Variants in PTPRN2 observed in about 807,000 individuals in gnomAD.
PTPRN2 encodes the protein protein tyrosine phosphatase receptor type N2.
A neutral mutation model predicts 118.8 loss-of-function variants in PTPRN2; 74 were observed. The observed-to-expected ratio is 0.62, with a 90% CI of 0.52 to 0.76. The LOEUF (loss-of-function observed/expected upper bound fraction) is 0.76, where lower values mean the gene tolerates loss of function less well. PTPRN2 is among the 30% of genes least tolerant of loss of function. PTPRN2 has a pLI of 0.00. For synonymous variants in PTPRN2, 641 were observed against 608.0 expected (o/e 1.05, Z -0.80); for missense variants, 1,481 against 1,394.4 (o/e 1.06, Z -0.99).
At chr7:158,084,817 CCTA>C (rs1298193019) in intron 10 of PTPRN2, among the ~76,000 whole-genome samples, 3 of 142,278 alleles carry the variant, frequency 2.1e-5, no homozygotes, top group Admixed American at 7.1e-5. Context: ...CCCATACACT[CCTA>C]CAATGCCCAT....
intron 2 of PTPRN2, among the ~76,000 whole-genome samples, chr7:158,454,744 T>TG (rs1254545192): frequency 6.6e-6 from 1 of 152,168 alleles, no homozygotes; most frequent in Non-Finnish European, 1.5e-5. Flanking sequence ...GGTGCAGGCT[T>TG]GGGGGCAGGT....
intron 14 of PTPRN2, among the ~76,000 whole-genome samples, chr7:157,650,433 C>T (rs140107883): frequency 8.5e-5 from 13 of 152,384 alleles, no homozygotes; most frequent in Non-Finnish European, 1.6e-4. Flanking sequence ...AAGCCGGCAT[C>T]GTCCAGACAG....
At chr7:158,009,228 G>A (rs894271371) in intron 11 of PTPRN2, among the ~76,000 whole-genome samples, 51 of 152,120 alleles carry the variant, frequency 3.4e-4, no homozygotes, top group Non-Finnish European at 1.2e-4. Context: ...ACTTGAAAAC[G>A]CTCTGATCAA....
At chr7:157,552,040 C>T (rs1798657716) in intron 21 of PTPRN2, among the ~76,000 whole-genome samples, 1 of 151,860 alleles carries the variant, frequency 6.6e-6, no homozygotes, top group South Asian at 2.1e-4. Context: ...AGCTGGCACA[C>T]ACCCCATGAC....
At chr7:158,262,687 CATTCACACACACTGCACAG>C (rs1442131295) in intron 3 of PTPRN2, among the ~76,000 whole-genome samples, 5 of 150,974 alleles carry the variant, frequency 3.3e-5, no homozygotes, top group African/African-American at 1.2e-4. Context: ...CACATACACA[CATTCACACACACTGCACAG>C]ATTCACACAC....
At chr7:157,593,750 G>A (rs1177268588) in intron 17 of PTPRN2, among the ~76,000 whole-genome samples, 1 of 152,078 alleles carries the variant, frequency 6.6e-6, no homozygotes, top group South Asian at 2.1e-4. Context: ...CGAAACTCCT[G>A]AGACGATGGG....
chr7:158,415,264 T>A (rs2129418376), intron 2 of PTPRN2, among the ~76,000 whole-genome samples: 1 of 152,310 alleles, frequency 6.6e-6, no homozygotes, highest in East Asian at 1.9e-4. Context: ...AGCTGATGAA[T>A]GACGTCAAAC....
chr7:157,865,985 T>C, intron 12 of PTPRN2: 1 of 152,524 alleles, frequency 6.6e-6, no homozygotes, highest in Non-Finnish European at 1.5e-5. Flanking sequence ...CTCCCCGGCC[T>C]CCTTCCCCGC....
intron 12 of PTPRN2, among the ~76,000 whole-genome samples, chr7:157,768,640 C>CA (rs1484722273): frequency 6.6e-6 from 1 of 152,110 alleles, no homozygotes; most frequent in Non-Finnish European, 1.5e-5. Flanking sequence ...AAATCAGTTA[C>CA]AAAAAAACCT....
chr7:157,545,027 T>C (rs221266), intron 22 of PTPRN2, among the ~76,000 whole-genome samples: 76,328 of 147,294 alleles, frequency 0.52, 19,752 homozygotes, highest in South Asian at 0.69. Flanking sequence ...GGGTGTGCAC[T>C]GTGTGTACAC....
rs557783442 is a variant in PTPRN2, at chr7:158,137,341, C to T, written c.1133-646G>A. ...CTGAGGCATGAGAATCACTTGAACC[C>T]GGCAGGCAAAGTTTGCAGTGAGCCG... is the stretch of plus-strand genomic sequence containing the variant. On this transcript the variant is annotated intron_variant, in intron 7 of 22. Transcript: ENST00000389418. 7.4e-4 allele frequency among the ~76,000 whole-genome samples: 112 copies of T among 152,230 alleles called. 1 individual carries two copies. The highest frequency in any genetic ancestry group is 3.4e-3 in the Middle Eastern group (1 of 294).
intron 16 of PTPRN2, among the ~76,000 whole-genome samples, chr7:157,599,013 C>CTT (rs535002797): frequency 0.18 from 26,333 of 145,530 alleles, 2,617 homozygotes; most frequent in East Asian, 0.44. Flanking sequence ...TCTGTTTTTA[C>CTT]TTTTTTTTTT....
intron 3 of PTPRN2, among the ~76,000 whole-genome samples, chr7:158,258,126 C>A (rs376285196): frequency 1.5e-4 from 23 of 152,336 alleles, no homozygotes; most frequent in South Asian, 1.0e-3. Context: ...CAAGCGGGCA[C>A]GTAAGAACAG....
intron 11 of PTPRN2, among the ~76,000 whole-genome samples, chr7:157,988,927 CCT>C (rs894975714): frequency 1.8e-4 from 28 of 152,206 alleles, no homozygotes; most frequent in African/African-American, 6.0e-4. Flanking sequence ...TCAGGGACAC[CCT>C]CTGTGTCCTC....
intron 1 of PTPRN2, among the ~76,000 whole-genome samples, chr7:158,495,500 G>A (rs1821771477): frequency 6.6e-6 from 1 of 152,126 alleles, no homozygotes; most frequent in South Asian, 2.1e-4. Flanking sequence ...GGGGGTAAGA[G>A]TGAAGCGCCT....
chr7:157,775,858 T>C (rs1246489283), intron 12 of PTPRN2, among the ~76,000 whole-genome samples: 1 of 152,078 alleles, frequency 6.6e-6, no homozygotes, highest in African/African-American at 2.4e-5. Flanking sequence ...TCTTGAGTTG[T>C]TTGAGCCGTT....
At chr7:158,036,105 A>G (rs1808070953) in intron 11 of PTPRN2, among the ~76,000 whole-genome samples, 1 of 152,264 alleles carries the variant, frequency 6.6e-6, no homozygotes, top group Admixed American at 6.5e-5. Flanking sequence ...TTATCCAGAA[A>G]GGAAAGATGC....
intron 11 of PTPRN2, among the ~76,000 whole-genome samples, chr7:157,995,652 C>G (rs947216552): frequency 6.6e-6 from 1 of 152,260 alleles, no homozygotes; most frequent in Non-Finnish European, 1.5e-5. Context: ...AAGGGCTTGC[C>G]AGCCCCGCAA....
intron 12 of PTPRN2, among the ~76,000 whole-genome samples, chr7:157,802,525 C>T (rs1485930722): frequency 1.3e-5 from 2 of 152,222 alleles, no homozygotes; most frequent in Non-Finnish European, 2.9e-5. Flanking sequence ...GTGAACAATG[C>T]CGTGATGAAC....
Sources: allele counts gnomAD v4.1 joint callset (sites outside exome capture counted in the v4.1 genomes callset), GRCh38; gene constraint gnomAD v4.1.1; transcripts MANE v1.5; gene names NCBI Gene and HGNC (gene_info 2026-07-23, HGNC 2026-07-21).